The following TP53I13 variants were observed in gnomAD, a reference collection of about 807,000 sequenced individuals.
TP53I13 encodes tumor protein p53 inducible protein 13.
A neutral mutation model predicts 39.1 loss-of-function variants in TP53I13; 27 were observed. The ratio of observed to expected loss-of-function variants is 0.69; its 90% confidence interval spans 0.51 to 0.95. The LOEUF (loss-of-function observed/expected upper bound fraction) is 0.95. Among genes scored for constraint, TP53I13 ranks in the 40% least tolerant of loss-of-function variants. The pLI, the probability that TP53I13 is intolerant of heterozygous loss-of-function variation, is 0.00. For missense variants in TP53I13, 544 were observed against 520.4 expected, an observed-to-expected ratio of 1.05 and a Z score of -0.44; for synonymous variants, 230 against 224.6, an observed-to-expected ratio of 1.02 and a Z score of -0.22.
chr17:29,576,026 C>T, downstream of TP53I13: 3 of 1,589,650 alleles, frequency 1.9e-6, no homozygotes, highest in South Asian at 3.3e-5. Flanking sequence ...CCCAGAACCC[C>T]CTGGGGCTCA....
At position 29,571,585 on chromosome 17, in the gene TP53I13, C is replaced by G; in HGVS notation, c.184-6C>G. On this transcript the variant is annotated splice_polypyrimidine_tract_variant and splice_region_variant and intron_variant, in intron 3 of 6. Transcript: ENST00000301057. ...CTGCTTTGATGTCTCTGTGCCTTTCCTCCAGGCTGAGGATGTCACCTTCCT... is the reference window on the plus strand; with the variant it reads ...CTGCTTTGATGTCTCTGTGCCTTTCGTCCAGGCTGAGGATGTCACCTTCCT... 6.2e-7 allele frequency: 1 copy of G among 1,613,002 alleles called. No homozygotes were observed. The highest frequency in any genetic ancestry group is 8.5e-7 in the Non-Finnish European group (1 of 1,179,460).
In TP53I13 at chr17:29,572,609, C is replaced by T; in HGVS notation, c.981C>T (p.Ala327=). 3 of 1,590,762 alleles carry T rather than the reference C, an allele frequency of 1.9e-6. No homozygotes were observed. Among genetic ancestry groups the T allele is most frequent in the Non-Finnish European group, 2.6e-6 (3 of 1,169,550 alleles). The change falls in exon 6 of 7, where the codon GCC becomes GCT. Residue 327 remains alanine (A), a synonymous_variant. Coordinates refer to ENST00000301057, the MANE Select transcript of TP53I13 (RefSeq NM_138349.4). Reference sequence around the variant, plus strand: ...TCCTGCTGGTGCTGCTCACCCTGGCCACGCTCTGCACACGGCTGCACAGAA... The same window carrying T: ...TCCTGCTGGTGCTGCTCACCCTGGCTACGCTCTGCACACGGCTGCACAGAA... ...LTFLLVLLTL[A]TLCTRLHRNF...
intron 2 of TP53I13, 54 bp downstream of exon 2, chr17:29,569,140 C>A: frequency 6.5e-7 from 1 of 1,539,346 alleles, no homozygotes; most frequent in Admixed American, 2.0e-5. Context: ...TAGCCCAGTC[C>A]CGCTCTGTTC....
intron 3 of TP53I13, 73 bp from the exon 4 acceptor site, chr17:29,571,518 C>T (rs1001950731): frequency 6.3e-7 from 1 of 1,595,992 alleles, no homozygotes; most frequent in Non-Finnish European, 8.5e-7. Flanking sequence ...AAACTGGTCC[C>T]CTGGATGGGA....
chr17:29,581,991 C>T, the TP53I13 span: 15 of 1,612,888 alleles, frequency 9.3e-6, no homozygotes, highest in African/African-American at 1.3e-5. This position sits in a 1 kb window ranked among gnomAD's most constrained non-coding sequence, Gnocchi z 4.8. Context: ...CCATACACTA[C>T]AAGCAGCTCG....
At chr17:29,566,327 C>G, upstream of TP53I13, 1 of 1,611,482 alleles carries the variant, frequency 6.2e-7, no homozygotes, top group Non-Finnish European at 8.5e-7. Context: ...TCCTTGAGGT[C>G]GGACGGGTCC....
chr17:29,572,122 G>A lies in TP53I13; in HGVS notation c.514-20G>A. Reference sequence around the variant, plus strand: ...CTCTGAGAGGGGCAGCAGGGTGATTGCTCTCTCTCCTCTCCTTAGGCCCTG... The same window carrying A: ...CTCTGAGAGGGGCAGCAGGGTGATTACTCTCTCTCCTCTCCTTAGGCCCTG... On this transcript the variant is annotated intron_variant, in intron 5 of 6. Transcript: ENST00000301057. 6.2e-7 allele frequency: 1 copy of A among 1,609,848 alleles called. No homozygotes were observed. The highest frequency in any genetic ancestry group is 1.1e-5 in the South Asian group (1 of 91,038).
At chr17:29,573,560 C>G (rs1226509176), downstream of TP53I13, 1 of 152,602 alleles carries the variant, frequency 6.6e-6, no homozygotes, top group Non-Finnish European at 1.5e-5. Context: ...GGCCTGGCCC[C>G]CAGGGAAGAA....
At chr17:29,576,043 A>G (rs372571539), downstream of TP53I13, 29 of 1,608,536 alleles carry the variant, frequency 1.8e-5, no homozygotes, top group African/African-American at 3.5e-4. Context: ...CTCAGAACCT[A>G]CTGGCTAAGA....
chr17:29,574,415 G>A (rs777170597), downstream of TP53I13: 9 of 468,190 alleles, frequency 1.9e-5, no homozygotes, highest in Non-Finnish European at 2.7e-5. Flanking sequence ...GAAGGCGAGG[G>A]GCTGGGAGTG....
the TP53I13 span, chr17:29,581,485 G>C: frequency 4.3e-6 from 4 of 938,160 alleles, no homozygotes; most frequent in East Asian, 7.3e-5. The surrounding 1 kb of genome is among the most constrained non-coding windows in gnomAD (Gnocchi z 4.8). Context: ...AGAAGTGTCA[G>C]GGGAAAGTGG....
the TP53I13 span, chr17:29,578,608 G>A: frequency 1.1e-6 from 1 of 950,474 alleles, no homozygotes; most frequent in Non-Finnish European, 1.7e-6. Flanking sequence ...TGAGGCCAGT[G>A]AGGGGACAGG....
chr17:29,569,251 C>A, intron 2 of TP53I13, 67 bp from the exon 3 acceptor site: 1 of 1,562,196 alleles, frequency 6.4e-7, no homozygotes, highest in South Asian at 1.1e-5. Context: ...GGCCTGCCGT[C>A]CCCTCCCCAC....
At chr17:29,581,344 G>T in the TP53I13 span, 2 of 1,611,840 alleles carry the variant, frequency 1.2e-6, no homozygotes, top group Non-Finnish European at 8.5e-7. The surrounding 1 kb of genome is among the most constrained non-coding windows in gnomAD (Gnocchi z 4.8). Flanking sequence ...TCACCTGTCA[G>T]CCATCTGTGG....
At chr17:29,572,757 C>A (rs1025285673) in intron 6 of TP53I13, 55 bp from the exon 7 acceptor site, 2 of 1,503,600 alleles carry the variant, frequency 1.3e-6, no homozygotes, top group Non-Finnish European at 1.8e-6. Context: ...TCGCCCGCCG[C>A]CCCCCGTAGC....
chr17:29,566,801 C>T, upstream of TP53I13: 1 of 1,514,596 alleles, frequency 6.6e-7, no homozygotes, highest in Admixed American at 2.0e-5. Context: ...AACTGGTCCG[C>T]CGGGCCTCCG....
the TP53I13 span, chr17:29,578,345 G>C: frequency 8.7e-6 from 14 of 1,614,010 alleles, no homozygotes; most frequent in Non-Finnish European, 1.2e-5. Context: ...CGTCCATGGC[G>C]AGTTCCTCAA....
At chr17:29,566,959 G>A (rs760360923), upstream of TP53I13, 9 of 1,378,824 alleles carry the variant, frequency 6.5e-6, 1 homozygote, top group South Asian at 8.5e-5. Flanking sequence ...GGCGCCCCAC[G>A]GCGGCATGGC....
At chr17:29,576,290 G>C (rs142990947), downstream of TP53I13, 4 of 1,612,548 alleles carry the variant, frequency 2.5e-6, no homozygotes, top group African/African-American at 2.7e-5. Context: ...CTTCAGGGCA[G>C]AGCCAGGTTC....
Sources: gnomAD v4.1 joint callset for allele counts on GRCh38, gnomAD v4.1.1 for gene constraint, Gnocchi (gnomAD v3.1) non-coding constraint, MANE v1.5 for transcripts, NCBI Gene and HGNC (gene_info 2026-07-23, HGNC 2026-07-21) for gene names.